The following PCDHGB3 variants were observed in gnomAD, a reference collection of about 807,000 sequenced individuals.
PCDHGB3 encodes protocadherin gamma-B3.
PCDHGB3 carries 40 observed loss-of-function variants against 59.2 expected under a neutral mutation model. That is an observed-to-expected ratio of 0.68 (90% CI 0.52 to 0.88). The LOEUF (loss-of-function observed/expected upper bound fraction) is 0.88, where lower values mean the gene tolerates loss of function less well. Among genes scored for constraint, PCDHGB3 ranks in the 40% least tolerant of loss-of-function variants. The probability of loss-of-function intolerance (pLI) is 0.00; values close to 1 mark genes in which losing one functional copy is unlikely to be tolerated. For synonymous variants in PCDHGB3, 581 were observed against 503.6 expected (o/e 1.15, Z -2.06); for missense variants, 1,309 against 1,187.9 (o/e 1.10, Z -1.50).
rs1195316502 is a variant in PCDHGB3 at position 141,431,006 on chromosome 5, A to G, written c.2415+58197A>G. 1.2e-6 allele frequency: 2 copies of G among 1,614,116 alleles called. No individual in the cohort carries two copies. Among genetic ancestry groups the G allele is most frequent in the South Asian group, 2.2e-5 (2 of 91,078 alleles). ...TTTCGCCCTGAATCCGCGCAGCGGC[A>G]GCTTGGTCACGGCGGGCAGGATAGA... On this transcript the variant is annotated intron_variant, in intron 1 of 3. Transcript: ENST00000576222. The surrounding 1 kb of genome is among the most constrained non-coding windows in gnomAD (Gnocchi z 4.8).
chr5:141,491,612 G>C lies in PCDHGB3; in HGVS notation c.2416-3195G>C, dbSNP rs759955730. 1 of 1,613,906 alleles carries C rather than the reference G, an allele frequency of 6.2e-7. No individual in the cohort carries two copies. Among genetic ancestry groups the C allele is most frequent in the South Asian group, 1.1e-5 (1 of 91,080 alleles). ...GACGGCAGTGACTTCACTTTTCTAA[G>C]ACCCCTCAGCGTTCAGCAGCCCACA... On this transcript the variant is annotated intron_variant, in intron 1 of 3. Transcript: ENST00000576222. The surrounding 1 kb of genome is among the most constrained non-coding windows in gnomAD (Gnocchi z 6.9).
chr5:141,489,894 G>A lies in PCDHGB3; in HGVS notation c.2416-4913G>A, dbSNP rs942456058. 33 of 1,614,204 alleles carry A rather than the reference G, an allele frequency of 2.0e-5. No individual in the cohort carries two copies. The highest frequency in any genetic ancestry group is 2.4e-5 in the Non-Finnish European group (28 of 1,180,028). Reference sequence around the variant, plus strand: ...TGGTGCTTACTGCTGTGGATGGGGGGACCCCAGCCCGCTCAGGGACCACCC... The same window carrying A: ...TGGTGCTTACTGCTGTGGATGGGGGAACCCCAGCCCGCTCAGGGACCACCC... On this transcript the variant is annotated intron_variant, in intron 1 of 3. Coordinates refer to ENST00000576222, the MANE Select transcript of PCDHGB3 (RefSeq NM_018924.5). This position sits in a 1 kb window ranked among gnomAD's most constrained non-coding sequence, Gnocchi z 4.5.
In PCDHGB3 at chr5:141,409,379, A is replaced by G. The variant is rs376174246; in HGVS notation, c.2415+36570A>G. On this transcript the variant is annotated intron_variant, in intron 1 of 3. Transcript: ENST00000576222. ...TAATATAGAAACAGACATTCCATTC[A>G]AGATTTATTCTTCTTCCAATAACTA... is the stretch of plus-strand genomic sequence containing the variant. The G allele has an allele frequency of 1.5e-5, 25 of 1,613,926 alleles. No homozygotes were observed. The highest frequency in any genetic ancestry group is 2.0e-5 in the Non-Finnish European group (24 of 1,179,908).
At position 141,485,576 on chromosome 5, in the gene PCDHGB3, C is replaced by A; in HGVS notation, c.2416-9231C>A. 1 of 1,612,412 alleles carries A rather than the reference C, an allele frequency of 6.2e-7. No individual in the cohort carries two copies. The highest frequency in any genetic ancestry group is 8.5e-7 in the Non-Finnish European group (1 of 1,178,628). On this transcript the variant is annotated intron_variant, in intron 1 of 3. Transcript: ENST00000576222. The surrounding 1 kb of genome is among the most constrained non-coding windows in gnomAD (Gnocchi z 5.7). ...GAATGATCACGCCCCCCGTTTTCCGCGGCAGCAGCTGGACTTGGAAATTGG... is the reference window on the plus strand; with the variant it reads ...GAATGATCACGCCCCCCGTTTTCCGAGGCAGCAGCTGGACTTGGAAATTGG...
chr5:141,415,409 TG>T (rs763291157), intron 1 of PCDHGB3: 1 of 1,614,208 alleles, frequency 6.2e-7, no homozygotes, highest in Non-Finnish European at 8.5e-7. Context: ...TCGCACTTTG[TG>T]GGCGTGGACG....
intron 1 of PCDHGB3, among the ~76,000 whole-genome samples, 191 bp downstream of exon 1, chr5:141,373,000 T>C (rs1310950733): frequency 6.6e-6 from 1 of 152,222 alleles, no homozygotes; most frequent in Non-Finnish European, 1.5e-5. Context: ...TGTTCTTTCA[T>C]AGAAAGCCTC....
intron 1 of PCDHGB3, chr5:141,421,587 G>A: frequency 1.2e-6 from 2 of 1,613,900 alleles, no homozygotes; most frequent in South Asian, 1.1e-5. Context: ...TTTACGGAGT[G>A]GAGGTGGAAA....
intron 1 of PCDHGB3, chr5:141,410,397 G>A (rs1338071222): frequency 1.9e-6 from 3 of 1,613,930 alleles, no homozygotes; most frequent in South Asian, 1.1e-5. Context: ...CCTGGTCTCT[G>A]TGTCAAGTCT....
At chr5:141,381,987 G>A (rs896707419) in intron 1 of PCDHGB3, among the ~76,000 whole-genome samples, 9 of 151,320 alleles carry the variant, frequency 5.9e-5, no homozygotes, top group Non-Finnish European at 1.2e-4. Context: ...GCGCCACCAC[G>A]CCCGGATAAT....
At chr5:141,401,667 C>T (rs539975682) in intron 1 of PCDHGB3, among the ~76,000 whole-genome samples, 1 of 152,340 alleles carries the variant, frequency 6.6e-6, no homozygotes, top group South Asian at 2.1e-4. Context: ...GTTTTCTCAA[C>T]ATCCTTGTAG....
chr5:141,386,359 C>T (rs566341507), intron 1 of PCDHGB3, among the ~76,000 whole-genome samples: 1 of 152,132 alleles, frequency 6.6e-6, no homozygotes, highest in Non-Finnish European at 1.5e-5. Flanking sequence ...AATCTTGATT[C>T]CAGAGACCTT....
At position 141,372,789 on chromosome 5, in the gene PCDHGB3, A is replaced by G. The variant is rs1769071536; in HGVS notation, c.2395A>G (p.Asn799Asp). ...TAATGACAATCCAGAAATGCCTTCT[A>G]ATTCAGGCAATTTGCAAAAGGTGAG... ...ESNDNPEMPS[N>D]SGNLQKQAPP... Residue 799 changes from asparagine to aspartate, a missense_variant, in exon 1 of 4, where the codon AAT (asparagine) becomes GAT (aspartate). By Grantham distance (23) the Asn-to-Asp change is conservative (BLOSUM62 1). Transcript: ENST00000576222. The G allele has an allele frequency of 1.2e-6, 2 of 1,601,162 alleles. No homozygotes were observed. Among genetic ancestry groups the G allele is most frequent in the Non-Finnish European group, 8.5e-7 (1 of 1,173,054 alleles).
chr5:141,491,896 C>A lies in PCDHGB3; in HGVS notation c.2416-2911C>A. ...CGATTAAGGGATGGGGCTCCGAGCA[C>A]CGGGGGTGGTGGCGACTGTGGGCGA... On this transcript the variant is annotated intron_variant, in intron 1 of 3. Coordinates refer to ENST00000576222, the MANE Select transcript of PCDHGB3 (RefSeq NM_018924.5). This position sits in a 1 kb window ranked among gnomAD's most constrained non-coding sequence, Gnocchi z 6.9. 1 of 1,434,504 alleles carries A rather than the reference C, an allele frequency of 7.0e-7. No homozygotes were observed. Among genetic ancestry groups the A allele is most frequent in the Non-Finnish European group, 9.2e-7 (1 of 1,084,690 alleles). The allele number at this position is 1,434,504 out of a possible 1,614,324, so 88.9% of individuals were successfully genotyped here.
intron 1 of PCDHGB3, chr5:141,419,835 C>T: frequency 1.2e-6 from 2 of 1,614,084 alleles, no homozygotes; most frequent in African/African-American, 1.3e-5. Flanking sequence ...GCCACTGCCA[C>T]GCTGCACCTG....
chr5:141,393,578 G>A (rs748225192), intron 1 of PCDHGB3: 2 of 1,613,812 alleles, frequency 1.2e-6, no homozygotes, highest in South Asian at 1.1e-5. Context: ...TTGAGAACAT[G>A]CCCCCAGGCA....
intron 1 of PCDHGB3, among the ~76,000 whole-genome samples, chr5:141,402,058 TA>T: frequency 6.6e-6 from 1 of 152,304 alleles, no homozygotes; most frequent in South Asian, 2.1e-4. Flanking sequence ...ATATTCACAT[TA>T]AAAAACTAAG....
chr5:141,388,663 C>T (rs770660956), intron 1 of PCDHGB3: 1 of 1,613,810 alleles, frequency 6.2e-7, no homozygotes, highest in Non-Finnish European at 8.5e-7. Flanking sequence ...CCGGGGACCA[C>T]GGTGCTACAG....
intron 1 of PCDHGB3, chr5:141,390,545 A>G (rs62378444): frequency 2.0e-6 from 1 of 505,936 alleles, no homozygotes; most frequent in African/African-American, 1.9e-5. Context: ...CCACAAAGTG[A>G]AAGTGTTAGA....
chr5:141,490,652 C>A lies in PCDHGB3; in HGVS notation c.2416-4155C>A. ...ATCCTAGAAAACCGGCCTCCGGGCT[C>A]CCTTCTTTGCACTGTGGCTGCCTCA... On this transcript the variant is annotated intron_variant, in intron 1 of 3. Transcript: ENST00000576222. The surrounding 1 kb of genome is among the most constrained non-coding windows in gnomAD (Gnocchi z 5.4). 6.2e-7 allele frequency: 1 copy of A among 1,614,208 alleles called. No individual in the cohort carries two copies. Among genetic ancestry groups the A allele is most frequent in the Non-Finnish European group, 8.5e-7 (1 of 1,180,026 alleles).
Sources: allele counts gnomAD v4.1 joint callset (sites outside exome capture counted in the v4.1 genomes callset), GRCh38; gene constraint gnomAD v4.1.1; non-coding constraint Gnocchi (gnomAD v3.1); transcripts MANE v1.5; gene names NCBI Gene and HGNC (gene_info 2026-07-23, HGNC 2026-07-21).